Variants in CYTH3 observed in about 807,000 individuals in gnomAD.
CYTH3 encodes cytohesin-3.
CYTH3 carries 23 observed loss-of-function variants against 55.1 expected under a neutral mutation model. The observed-to-expected ratio is 0.42, with a 90% CI of 0.30 to 0.59. The LOEUF (loss-of-function observed/expected upper bound fraction) is 0.59. CYTH3 is among the 20% of genes least tolerant of loss of function. The pLI is 0.20. For missense variants in CYTH3, 413 were observed against 524.8 expected (o/e 0.79, Z 2.08); for synonymous variants, 249 against 194.9 (o/e 1.28, Z -2.31).
chr7:6,248,154 T>A (rs565285480), intron 1 of CYTH3, among the ~76,000 whole-genome samples: 2 of 149,980 alleles, frequency 1.3e-5, no homozygotes, highest in Non-Finnish European at 2.9e-5. Flanking sequence ...AAAAATTATA[T>A]CCCCCTCCTA....
rs900224025 is a variant in CYTH3, at chr7:6,171,684, GTCC to G, written c.450-373_450-371del. ...GCCTGTCCCGAGCTGCCACCAGCCG[GTCC>G]TCCTTTCAGAACTCCCACACATAAG... On this transcript the variant is annotated intron_variant, in intron 6 of 12. Coordinates refer to ENST00000350796, the MANE Select transcript of CYTH3 (RefSeq NM_004227.4). This position sits in a 1 kb window ranked among gnomAD's most constrained non-coding sequence, Gnocchi z 6.7. 2.4e-4 allele frequency: 62 copies of G among 259,944 alleles called. No homozygotes were observed. Among genetic ancestry groups the G allele is most frequent in the African/African-American group, 1.2e-3 (57 of 45,916 alleles). The allele number at this position is 259,944 out of a possible 1,614,324, so 16.1% of individuals were successfully genotyped here.
chr7:6,236,004 T>A (rs1217371328), intron 1 of CYTH3, among the ~76,000 whole-genome samples: 2 of 152,176 alleles, frequency 1.3e-5, no homozygotes, highest in Non-Finnish European at 2.9e-5. Flanking sequence ...GAAACCAGCC[T>A]AGCCAATTCA....
intron 4 of CYTH3, among the ~76,000 whole-genome samples, chr7:6,185,170 G>C (rs1562884633): frequency 6.6e-6 from 1 of 152,152 alleles, no homozygotes; most frequent in African/African-American, 2.4e-5. Flanking sequence ...ATTCCATCTT[G>C]GAGATGATTT....
At chr7:6,190,634 G>T in intron 1 of CYTH3, 103 bp from the exon 2 acceptor site, 2 of 854,836 alleles carry the variant, frequency 2.3e-6, no homozygotes, top group Non-Finnish European at 3.5e-6. Flanking sequence ...CCATACGCAG[G>T]TATTTATCCT....
At chr7:6,180,019 A>G (rs376137396) in intron 4 of CYTH3, among the ~76,000 whole-genome samples, 5 of 152,270 alleles carry the variant, frequency 3.3e-5, no homozygotes, top group East Asian at 3.9e-4. Flanking sequence ...CTAGGGCAGG[A>G]AAGACAGTGC....
Position 6,171,386 on chromosome 7 carries a change from C to T in CYTH3, c.450-72G>A. ...GCCTCACGGCCAAGGGCGGCTTCTG[C>T]CCAGCTCAGGAAGGACGTTTTCCTC... On this transcript the variant is annotated intron_variant, in intron 6 of 12. Coordinates refer to ENST00000350796, the MANE Select transcript of CYTH3 (RefSeq NM_004227.4). This position sits in a 1 kb window ranked among gnomAD's most constrained non-coding sequence, Gnocchi z 6.7. 1 of 1,450,614 alleles carries T rather than the reference C, an allele frequency of 6.9e-7. No individual in the cohort carries two copies. Among genetic ancestry groups the T allele is most frequent in the African/African-American group, 1.4e-5 (1 of 71,754 alleles). 89.9% of individuals were successfully genotyped at this position (1,450,614 alleles called of 1,614,324 possible).
At chr7:6,228,596 G>A (rs1399845919) in intron 1 of CYTH3, among the ~76,000 whole-genome samples, 1 of 152,152 alleles carries the variant, frequency 6.6e-6, no homozygotes, top group Non-Finnish European at 1.5e-5. Flanking sequence ...ACAAGTAGAG[G>A]AAGCAAAAGA....
chr7:6,209,734 G>A (rs1784282297), intron 1 of CYTH3, among the ~76,000 whole-genome samples: 1 of 152,152 alleles, frequency 6.6e-6, no homozygotes, highest in Admixed American at 6.6e-5. Context: ...TAGGTGACTC[G>A]ATAAACTATG....
Position 6,170,702 on chromosome 7 carries a change from G to A in CYTH3, c.712-56C>T, listed in dbSNP as rs1783157123. 8 of 1,585,106 alleles carry A rather than the reference G, an allele frequency of 5.0e-6. No homozygotes were observed. Among genetic ancestry groups the A allele is most frequent in the Non-Finnish European group, 1.7e-6 (2 of 1,163,802 alleles). ...GAGACTCGGAGGAAAATGGCTGGCC[G>A]GGCAGAAAGCTCAGCGGGACCAGGG... On this transcript the variant is annotated intron_variant, in intron 8 of 12. Transcript: ENST00000350796. The surrounding 1 kb of genome is among the most constrained non-coding windows in gnomAD (Gnocchi z 7.8).
chr7:6,213,071 G>A (rs1008681306), intron 1 of CYTH3, among the ~76,000 whole-genome samples: 2 of 152,190 alleles, frequency 1.3e-5, no homozygotes, highest in Non-Finnish European at 2.9e-5. Context: ...TTTAGTTTAT[G>A]TCTCCTCCTA....
At chr7:6,263,422 C>T (rs1423216018) in intron 1 of CYTH3, among the ~76,000 whole-genome samples, 1 of 152,170 alleles carries the variant, frequency 6.6e-6, no homozygotes, top group Non-Finnish European at 1.5e-5. Context: ...TAGATAAACT[C>T]ACATTTGTGA....
At chr7:6,238,430 G>A (rs556500329) in intron 1 of CYTH3, among the ~76,000 whole-genome samples, 1 of 152,238 alleles carries the variant, frequency 6.6e-6, no homozygotes, top group South Asian at 2.1e-4. Context: ...ACAAGATGAA[G>A]TTCAATAAAG....
At chr7:6,236,809 C>T (rs1305757946) in intron 1 of CYTH3, among the ~76,000 whole-genome samples, 4 of 152,140 alleles carry the variant, frequency 2.6e-5, no homozygotes, top group Non-Finnish European at 5.9e-5. Flanking sequence ...GTGATCCACC[C>T]GCCTCAGTCT....
At chr7:6,187,755 G>C in intron 2 of CYTH3, 34 bp from the exon 3 acceptor site, 1 of 1,582,280 alleles carries the variant, frequency 6.3e-7, no homozygotes, top group Non-Finnish European at 8.7e-7. Context: ...GGTGGGGAGT[G>C]GGTCTTAACC....
At chr7:6,206,905 T>G (rs1330926382) in intron 1 of CYTH3, among the ~76,000 whole-genome samples, 1 of 152,094 alleles carries the variant, frequency 6.6e-6, no homozygotes, top group African/African-American at 2.4e-5. Context: ...GGGAGACGAT[T>G]TTTTTCGTTT....
chr7:6,236,164 GA>G (rs1363529450), intron 1 of CYTH3, among the ~76,000 whole-genome samples: 4 of 152,058 alleles, frequency 2.6e-5, no homozygotes, highest in Non-Finnish European at 5.9e-5. Flanking sequence ...AAGGGTTTTA[GA>G]AATGTTAATA....
In CYTH3 at chr7:6,187,264, G is replaced by T. The variant is rs925113409; in HGVS notation, c.183-148C>A. 2.9e-5 allele frequency: 22 copies of T among 751,214 alleles called. No homozygotes were observed. In the South Asian group the frequency reaches 3.7e-4, roughly 13 times the overall value. 46.5% of individuals were successfully genotyped at this position (751,214 alleles called of 1,614,324 possible). On this transcript the variant is annotated intron_variant, in intron 3 of 12. Transcript: ENST00000350796. ...GGAGGGGCCCCCAGTCTCCGCAGTG[G>T]CGGCAGGGGTGGTGCAGCCACCATT...
chr7:6,251,765 G>A (rs1172297299), intron 1 of CYTH3, among the ~76,000 whole-genome samples: 1 of 152,098 alleles, frequency 6.6e-6, no homozygotes, highest in African/African-American at 2.4e-5. Context: ...CTTCAAAGAG[G>A]CCTGTCCATA....
At chr7:6,231,954 A>G (rs1322697857) in intron 1 of CYTH3, among the ~76,000 whole-genome samples, 4 of 152,206 alleles carry the variant, frequency 2.6e-5, no homozygotes, top group Admixed American at 6.5e-5. Context: ...TTCTCTGGCC[A>G]TAACCTGCAA....
Sources: gnomAD v4.1 joint callset for allele counts (sites outside exome capture counted in the v4.1 genomes callset) on GRCh38, gnomAD v4.1.1 for gene constraint, Gnocchi (gnomAD v3.1) non-coding constraint, MANE v1.5 for transcripts, NCBI Gene and HGNC (gene_info 2026-07-23, HGNC 2026-07-21) for gene names.